The following IL1RAPL2 variants were observed in gnomAD, a reference collection of about 807,000 sequenced individuals.
IL1RAPL2 encodes interleukin 1 receptor accessory protein like 2, also known as X-linked interleukin-1 receptor accessory protein-like 2.
Under a neutral mutation model 44.1 loss-of-function variants are expected in IL1RAPL2, and 3 were observed. The ratio of observed to expected loss-of-function variants is 0.07; its 90% CI spans 0.03 to 0.18. IL1RAPL2 has a LOEUF of 0.18. Ranked by LOEUF, IL1RAPL2 falls within the 10% of genes least tolerant of loss-of-function variation. IL1RAPL2 has a pLI of 1.00. For missense variants in IL1RAPL2, 391 were observed against 496.4 expected (o/e 0.79, Z 2.02); for synonymous variants, 181 against 178.8 (o/e 1.01, Z -0.10).
chrX:105,237,030 G>A (rs1292788690), intron 4 of IL1RAPL2, among the ~76,000 whole-genome samples: 2 of 110,550 alleles, frequency 1.8e-5, no homozygotes, highest in Admixed American at 1.9e-4. Flanking sequence ...AGTGTGTGAT[G>A]TCCACCTTCC....
chrX:105,715,851 A>G (rs991960847), intron 6 of IL1RAPL2, among the ~76,000 whole-genome samples: 4 of 111,833 alleles, frequency 3.6e-5, no homozygotes, highest in Non-Finnish European at 7.5e-5. Context: ...CCAAGGAAAC[A>G]TTTAAGAGAA....
chrX:105,389,287 C>A (rs1399624829), intron 5 of IL1RAPL2, among the ~76,000 whole-genome samples: 1 of 112,070 alleles, frequency 8.9e-6, no homozygotes, highest in Non-Finnish European at 1.9e-5. Flanking sequence ...ACTTAATTTG[C>A]CTGGTCTACA....
intron 5 of IL1RAPL2, 23 bp from the exon 6 acceptor site, chrX:105,484,290 C>T: frequency 8.9e-7 from 1 of 1,119,237 alleles, no homozygotes; most frequent in African/African-American, 1.8e-5. Flanking sequence ...TTTTCCATTA[C>T]TTTCTTTCAT....
chrX:104,692,361 TTTA>T (rs898687811), intron 2 of IL1RAPL2, among the ~76,000 whole-genome samples: 17 of 110,168 alleles, frequency 1.5e-4, no homozygotes, highest in African/African-American at 2.6e-4. Context: ...TATATATATA[TTTA>T]TTATTATTAA....
intron 4 of IL1RAPL2, among the ~76,000 whole-genome samples, chrX:105,239,074 TAA>T (rs2034146719): frequency 9.0e-6 from 1 of 111,507 alleles, no homozygotes; most frequent in Non-Finnish European, 1.9e-5. Context: ...AAGAATGAGC[TAA>T]AGAGTCTACT....
intron 6 of IL1RAPL2, among the ~76,000 whole-genome samples, chrX:105,588,072 A>T (rs780654872): frequency 9.0e-6 from 1 of 111,395 alleles, no homozygotes; most frequent in South Asian, 3.7e-4. Flanking sequence ...AAAAAGAAAA[A>T]TTCCATATAT....
chrX:105,128,555 A>C (rs928902056), intron 2 of IL1RAPL2, among the ~76,000 whole-genome samples: 1 of 111,422 alleles, frequency 9.0e-6, no homozygotes, highest in Non-Finnish European at 1.9e-5. Flanking sequence ...AACTCATATT[A>C]AAAAAGGTAT....
intron 2 of IL1RAPL2, among the ~76,000 whole-genome samples, chrX:105,080,013 G>T (rs187206467): frequency 1.5e-3 from 163 of 112,138 alleles, no homozygotes; most frequent in African/African-American, 5.2e-3. Context: ...AGAAGTGTCT[G>T]TTCATATCCT....
chrX:105,379,354 G>C (rs1412367789), intron 5 of IL1RAPL2, among the ~76,000 whole-genome samples: 1 of 111,551 alleles, frequency 9.0e-6, no homozygotes, highest in Non-Finnish European at 1.9e-5. Flanking sequence ...CAAAACAAAA[G>C]TAGTAGAAAG....
rs181020059 is a variant in IL1RAPL2 at position 105,510,170 on chromosome X, C to A, written c.772+25783C>A. On this transcript the variant is annotated intron_variant, in intron 6 of 10. Coordinates refer to ENST00000372582, the MANE Select transcript of IL1RAPL2 (RefSeq NM_017416.2). Reference sequence around the variant, plus strand: ...CCTGGGTGACAGAATGAGACCCTGTCTCTAAAAAAATTTAAATTTAAATTT... The same window carrying A: ...CCTGGGTGACAGAATGAGACCCTGTATCTAAAAAAATTTAAATTTAAATTT... 5.9e-3 allele frequency among the ~76,000 whole-genome samples: 653 copies of A among 110,709 alleles called. 11 individuals are homozygous for A. Among genetic ancestry groups the A allele is most frequent in the African/African-American group, 0.02 (613 of 30,462 alleles).
intron 5 of IL1RAPL2, among the ~76,000 whole-genome samples, chrX:105,443,318 C>T (rs1841453756): frequency 9.0e-6 from 1 of 111,220 alleles, no homozygotes; most frequent in Non-Finnish European, 1.9e-5. Flanking sequence ...TGGATATCCA[C>T]CCCTCCAGCA....
intron 1 of IL1RAPL2, among the ~76,000 whole-genome samples, chrX:104,621,062 A>G (rs895869463): frequency 9.4e-4 from 99 of 105,397 alleles, no homozygotes; most frequent in Non-Finnish European, 1.7e-3. Flanking sequence ...TCTGTAATAT[A>G]TATAATTCCT....
chrX:104,755,991 T>C (rs748715838), intron 2 of IL1RAPL2, among the ~76,000 whole-genome samples: 10 of 111,713 alleles, frequency 9.0e-5, no homozygotes, highest in African/African-American at 3.2e-4. Flanking sequence ...ACACATGTTA[T>C]GTAAAGCGGA....
intron 2 of IL1RAPL2, among the ~76,000 whole-genome samples, chrX:104,716,626 C>T (rs1931572028): frequency 9.0e-6 from 1 of 111,066 alleles, no homozygotes; most frequent in Admixed American, 9.6e-5. Context: ...TTAGCAGACA[C>T]TTCTCAAAAG....
intron 4 of IL1RAPL2, among the ~76,000 whole-genome samples, chrX:105,247,471 G>A (rs1233832485): frequency 1.8e-5 from 2 of 110,702 alleles, no homozygotes; most frequent in East Asian, 5.6e-4. Flanking sequence ...CTCAAATGAG[G>A]AAACTGAAGC....
intron 3 of IL1RAPL2, among the ~76,000 whole-genome samples, chrX:105,228,759 G>C (rs2034040901): frequency 8.9e-6 from 1 of 112,027 alleles, no homozygotes; most frequent in African/African-American, 3.2e-5. Flanking sequence ...AGCAATGTTA[G>C]CATCAAGTTC....
intron 2 of IL1RAPL2, among the ~76,000 whole-genome samples, chrX:105,085,331 A>G (rs1319096769): frequency 8.9e-6 from 1 of 112,361 alleles, no homozygotes; most frequent in Admixed American, 9.5e-5. Context: ...CAATAGCAAG[A>G]AAACAAACAA....
chrX:105,200,161 CTA>C (rs1556145004), intron 3 of IL1RAPL2, among the ~76,000 whole-genome samples: 2 of 111,958 alleles, frequency 1.8e-5, no homozygotes, highest in African/African-American at 6.5e-5. Flanking sequence ...AATGACTTTT[CTA>C]TGTTTTATTG....
At chrX:105,540,862 GA>G (rs2036722121) in intron 6 of IL1RAPL2, among the ~76,000 whole-genome samples, 1 of 22,446 alleles carries the variant, frequency 4.5e-5, no homozygotes, top group African/African-American at 2.7e-4. Flanking sequence ...TATTATATAT[GA>G]TATATAATAC....
Sources: allele counts gnomAD v4.1 joint callset (sites outside exome capture counted in the v4.1 genomes callset), GRCh38; gene constraint gnomAD v4.1.1; transcripts MANE v1.5; gene names NCBI Gene and HGNC (gene_info 2026-07-23, HGNC 2026-07-21).